Variants in SORCS1 observed in about 807,000 individuals in gnomAD.
The protein encoded by SORCS1 is VPS10 domain-containing receptor SorCS1.
In SORCS1, 60 loss-of-function variants were observed where a neutral mutation model predicts 146.1. The observed-to-expected ratio is 0.41, with a 90% CI of 0.33 to 0.51. The LOEUF is 0.51. Among genes scored for constraint, SORCS1 ranks in the 20% least tolerant of loss-of-function variants. SORCS1 has a pLI of 0.21. For synonymous variants in SORCS1, 637 were observed against 584.0 expected (o/e 1.09, Z -1.31); for missense variants, 1,352 against 1,487.6 (o/e 0.91, Z 1.50).
At chr10:107,169,835 C>T in the SORCS1 span, among the ~76,000 whole-genome samples, 1 of 152,092 alleles carries the variant, frequency 6.6e-6, no homozygotes, top group Non-Finnish European at 1.5e-5. Flanking sequence ...TTTGTATATT[C>T]ATGAATTAAA....
chr10:106,700,640 A>G (rs1484957342), intron 8 of SORCS1, among the ~76,000 whole-genome samples: 2 of 152,112 alleles, frequency 1.3e-5, no homozygotes, highest in Non-Finnish European at 2.9e-5. Context: ...CTACTAACCT[A>G]AATTTCTTAT....
intron 23 of SORCS1, among the ~76,000 whole-genome samples, chr10:106,601,178 T>TA (rs1233586907): frequency 6.6e-6 from 1 of 152,220 alleles, no homozygotes; most frequent in Non-Finnish European, 1.5e-5. Context: ...ACTTGCCTGA[T>TA]AGAGACTCAA....
In SORCS1 at chr10:106,611,891, A is replaced by G. The variant is rs1847016651; in HGVS notation, c.3033+20T>C. 1 of 1,568,520 alleles carries G rather than the reference A, an allele frequency of 6.4e-7. No individual in the cohort carries two copies. The highest frequency in any genetic ancestry group is 8.8e-7 in the Non-Finnish European group (1 of 1,138,754). Reference sequence around the variant, plus strand: ...GAGAGAAAAGGTACCCGGGCAAGAGAAGAAACTGTGTGCACTCACTTCCAC... The same window carrying G: ...GAGAGAAAAGGTACCCGGGCAAGAGGAGAAACTGTGTGCACTCACTTCCAC... On this transcript the variant is annotated intron_variant, in intron 22 of 25. Transcript: ENST00000263054.
intron 3 of SORCS1, among the ~76,000 whole-genome samples, chr10:106,820,491 C>T (rs926596432): frequency 6.6e-6 from 1 of 152,186 alleles, no homozygotes; most frequent in Non-Finnish European, 1.5e-5. Flanking sequence ...AAGGTCAGGT[C>T]AGCAAAAGAA....
chr10:106,923,585 T>C (rs1237470333), intron 2 of SORCS1, among the ~76,000 whole-genome samples: 1 of 152,208 alleles, frequency 6.6e-6, no homozygotes, highest in Admixed American at 6.5e-5. Flanking sequence ...CCACCAGTAA[T>C]GAGAATGAGA....
chr10:106,705,679 T>C (rs912059609), intron 8 of SORCS1, among the ~76,000 whole-genome samples: 1 of 152,148 alleles, frequency 6.6e-6, no homozygotes, highest in South Asian at 2.1e-4. Flanking sequence ...ACATTTACAG[T>C]TCCTAGTCAC....
intron 23 of SORCS1, 70 bp downstream of exon 23, chr10:106,607,096 G>A: frequency 8.9e-6 from 14 of 1,574,922 alleles, no homozygotes; most frequent in Non-Finnish European, 1.2e-5. Flanking sequence ...GGTCAGAAAT[G>A]GAGGCTTAGA....
chr10:107,094,134 ATATTTTCTCT>A (rs1964395584), intron 1 of SORCS1, among the ~76,000 whole-genome samples: 1 of 152,152 alleles, frequency 6.6e-6, no homozygotes, highest in African/African-American at 2.4e-5. Flanking sequence ...ACTAATGTAT[ATATTTTCTCT>A]TTTTTAATCA....
chr10:107,000,337 T>C (rs1957167450), intron 1 of SORCS1, among the ~76,000 whole-genome samples: 1 of 151,956 alleles, frequency 6.6e-6, no homozygotes, highest in Admixed American at 6.6e-5. Flanking sequence ...CAATGGCTCA[T>C]GCCTGTAATC....
chr10:106,992,286 A>G (rs368797900), intron 1 of SORCS1, among the ~76,000 whole-genome samples: 21 of 152,272 alleles, frequency 1.4e-4, no homozygotes, highest in Admixed American at 9.8e-4. Flanking sequence ...TAGTCATGAG[A>G]ATGAGGAAGT....
intron 1 of SORCS1, among the ~76,000 whole-genome samples, chr10:107,103,873 T>C (rs543431277): frequency 5.9e-5 from 9 of 152,288 alleles, no homozygotes; most frequent in Admixed American, 5.9e-4. Context: ...GCCGTGGGCT[T>C]CATTTTAGAG....
intron 1 of SORCS1, among the ~76,000 whole-genome samples, chr10:107,153,640 T>C (rs557466212): frequency 6.6e-6 from 1 of 152,350 alleles, no homozygotes; most frequent in Non-Finnish European, 1.5e-5. Flanking sequence ...GACAGCAGAC[T>C]GTCTCCCAAC....
chr10:106,854,986 A>C (rs1026317012), intron 2 of SORCS1, among the ~76,000 whole-genome samples: 2 of 152,106 alleles, frequency 1.3e-5, no homozygotes, highest in Non-Finnish European at 2.9e-5. Context: ...CATAGACTTG[A>C]GTTTCTATCC....
chr10:106,994,558 T>C (rs1174999775), intron 1 of SORCS1, among the ~76,000 whole-genome samples: 1 of 152,222 alleles, frequency 6.6e-6, no homozygotes, highest in African/African-American at 2.4e-5. Flanking sequence ...ATGCTATCAA[T>C]TTAAATGGCA....
intron 2 of SORCS1, among the ~76,000 whole-genome samples, chr10:106,864,871 G>A (rs993095423): frequency 3.3e-5 from 5 of 152,166 alleles, no homozygotes; most frequent in Admixed American, 2.0e-4. Flanking sequence ...AACGTGACTA[G>A]ACTGCTTTTT....
intron 1 of SORCS1, among the ~76,000 whole-genome samples, chr10:107,021,185 C>A (rs1030527472): frequency 6.6e-6 from 1 of 151,984 alleles, no homozygotes; most frequent in East Asian, 1.9e-4. Context: ...GAAGGAAGAC[C>A]GGCTATGTGG....
chr10:106,840,425 T>C (rs1287536960), intron 2 of SORCS1, among the ~76,000 whole-genome samples: 2 of 149,456 alleles, frequency 1.3e-5, no homozygotes, highest in Non-Finnish European at 2.9e-5. Flanking sequence ...TGTAATCTCA[T>C]GATCACACTT....
intron 3 of SORCS1, among the ~76,000 whole-genome samples, chr10:106,825,343 C>A (rs996788779): frequency 6.8e-6 from 1 of 148,008 alleles, no homozygotes; most frequent in African/African-American, 2.5e-5. Context: ...GCGATCTCAG[C>A]TCACTGTAAC....
chr10:106,728,411 G>C (rs978620638), intron 6 of SORCS1, among the ~76,000 whole-genome samples: 1 of 152,226 alleles, frequency 6.6e-6, no homozygotes, highest in South Asian at 2.1e-4. Context: ...CCCCTGAGGA[G>C]GTGGGAAAGC....
Sources: gnomAD v4.1 joint callset for allele counts (sites outside exome capture counted in the v4.1 genomes callset) on GRCh38, gnomAD v4.1.1 for gene constraint, MANE v1.5 for transcripts, NCBI Gene and HGNC (gene_info 2026-07-23, HGNC 2026-07-21) for gene names.